The following FAR1 variants were observed in gnomAD, a reference collection of about 807,000 sequenced individuals.
FAR1 encodes fatty acyl-CoA reductase 1, also known as male sterility domain-containing protein 2.
FAR1 carries 22 observed loss-of-function variants against 61.1 expected under a neutral mutation model. That is an observed-to-expected ratio of 0.36 (90% CI 0.26 to 0.51). The LOEUF (loss-of-function observed/expected upper bound fraction) is 0.51, where lower values mean the gene tolerates loss of function less well. Among genes scored for constraint, FAR1 ranks in the 20% least tolerant of loss-of-function variants. FAR1 has a pLI of 0.95. For missense variants in FAR1, 359 were observed against 626.9 expected (o/e 0.57, Z 4.56); for synonymous variants, 206 against 209.7 (o/e 0.98, Z 0.15).
intron 10 of FAR1, among the ~76,000 whole-genome samples, chr11:13,726,276 CTCTT>C (rs1301408683): frequency 6.6e-6 from 1 of 151,982 alleles, no homozygotes; most frequent in African/African-American, 2.4e-5. Flanking sequence ...CCTTTTATTG[CTCTT>C]TATTTCTTCC....
chr11:13,708,443 G>GCACACACA (rs770468143), intron 4 of FAR1, among the ~76,000 whole-genome samples: 3,231 of 84,132 alleles, frequency 0.038, 47 homozygotes, highest in Non-Finnish European at 0.057. Context: ...GTGCGCGCGC[G>GCACACACA]CGCGCACACA....
At position 13,721,844 on chromosome 11, in the gene FAR1, C is replaced by T; in HGVS notation, c.1242C>T (p.Asn414=). The stretch of plus-strand genomic sequence containing the variant: ...TCAATATGTTAATGAATCAACTAAA[C>T]CCTGAAGATAAAAAGGCAAGCAAGT... ...ENVNMLMNQL[N]PEDKKTFNID... Residue 414 remains asparagine, a synonymous_variant, in exon 10 of 12, where the codon AAC becomes AAT. Transcript: ENST00000354817. This position sits in a 1 kb window ranked among gnomAD's most constrained non-coding sequence, Gnocchi z 4.2. The T allele has an allele frequency of 1.9e-6, 3 of 1,599,090 alleles. No homozygotes were observed. Among genetic ancestry groups the T allele is most frequent in the Non-Finnish European group, 2.6e-6 (3 of 1,174,488 alleles).
intron 1 of FAR1, chr11:13,685,635 G>T: frequency 5.1e-6 from 1 of 196,922 alleles, no homozygotes. Flanking sequence ...ACTTAATCCG[G>T]AAACTCTTGT....
chr11:13,723,760 A>G (rs977501990), intron 10 of FAR1, among the ~76,000 whole-genome samples: 1 of 152,150 alleles, frequency 6.6e-6, no homozygotes, highest in African/African-American at 2.4e-5. Flanking sequence ...TTTCTGGGCT[A>G]AACTCTAGAT....
rs1281545153 is a variant in FAR1 at position 13,670,442 on chromosome 11, C to T, written c.-8+1636C>T. On this transcript the variant is annotated intron_variant, in intron 1 of 11. Coordinates refer to ENST00000354817, the MANE Select transcript of FAR1 (RefSeq NM_032228.6). Reference sequence around the variant, plus strand: ...AGTAGTTGGGACTACAGAGACATGCCCCACCGCACCGGCTAATTTTTGTAT... The same window carrying T: ...AGTAGTTGGGACTACAGAGACATGCTCCACCGCACCGGCTAATTTTTGTAT... 2.6e-5 allele frequency among the ~76,000 whole-genome samples: 4 copies of T among 152,170 alleles called. No individual in the cohort carries two copies. In the East Asian group the frequency reaches 7.7e-4, roughly 29 times the overall value.
At chr11:13,668,969 G>T (rs1401463434) in intron 1 of FAR1, among the ~76,000 whole-genome samples, 163 bp downstream of exon 1, 3 of 152,020 alleles carry the variant, frequency 2.0e-5, no homozygotes, top group Non-Finnish European at 2.9e-5. Context: ...AAGTGAGGGC[G>T]CCCGCCTCAC....
chr11:13,715,424 C>T (rs1848545527), intron 9 of FAR1, among the ~76,000 whole-genome samples: 1 of 152,134 alleles, frequency 6.6e-6, no homozygotes, highest in South Asian at 2.1e-4. Context: ...AAGCCCTTCT[C>T]TCCCTCTTAA....
intron 1 of FAR1, among the ~76,000 whole-genome samples, chr11:13,694,020 A>G (rs761224769): frequency 6.6e-6 from 1 of 152,198 alleles, no homozygotes; most frequent in Non-Finnish European, 1.5e-5. Flanking sequence ...TTGCTAAACA[A>G]TACAGAGCAT....
At chr11:13,690,002 A>G (rs929351077) in intron 1 of FAR1, among the ~76,000 whole-genome samples, 1 of 151,582 alleles carries the variant, frequency 6.6e-6, no homozygotes, top group African/African-American at 2.4e-5. Flanking sequence ...CAGCCTCCCA[A>G]GTCGCTGGGA....
chr11:13,682,583 T>G (rs1290188034), intron 1 of FAR1, among the ~76,000 whole-genome samples: 5 of 152,220 alleles, frequency 3.3e-5, no homozygotes, highest in Admixed American at 6.5e-5. Context: ...AGACTGTTTC[T>G]TAGAAGTTGA....
At chr11:13,702,025 A>G (rs1848381538) in intron 3 of FAR1, among the ~76,000 whole-genome samples, 1 of 152,132 alleles carries the variant, frequency 6.6e-6, no homozygotes, top group Non-Finnish European at 1.5e-5. Flanking sequence ...TCCTTCAGGA[A>G]ATTTAAGTGA....
intron 1 of FAR1, chr11:13,670,151 C>G (rs1192742511): frequency 6.6e-6 from 1 of 152,178 alleles, no homozygotes; most frequent in Middle Eastern, 3.2e-3. Context: ...GTTCCAGCCT[C>G]AAACTCCTCG....
chr11:13,686,768 A>G (rs1365584746), intron 1 of FAR1: 1 of 152,240 alleles, frequency 6.6e-6, no homozygotes, highest in Non-Finnish European at 1.5e-5. Context: ...GTCTTTAATT[A>G]TCCAGAAGTT....
At chr11:13,724,882 C>CA (rs1206847313) in intron 10 of FAR1, among the ~76,000 whole-genome samples, 2 of 152,140 alleles carry the variant, frequency 1.3e-5, no homozygotes, top group African/African-American at 4.8e-5. Context: ...GTACTGCCTG[C>CA]AGAACCATGA....
At chr11:13,708,480 C>CACA (rs1250984773) in intron 4 of FAR1, among the ~76,000 whole-genome samples, 1 of 124,604 alleles carries the variant, frequency 8.0e-6, no homozygotes, top group Non-Finnish European at 1.9e-5. Context: ...CACACACATA[C>CACA]ATTTATCTCT....
Position 13,719,042 on chromosome 11 carries a change from C to T in FAR1, c.1128-2688C>T, listed in dbSNP as rs1303870876. 2.6e-5 allele frequency among the ~76,000 whole-genome samples: 4 copies of T among 152,102 alleles called. No homozygotes were observed. The East Asian group carries it at 5.8e-4, about 22-fold the overall frequency. ...AAGCTCTACACCTTTCTGACCTAGCCTCGGAAGTCACATCATGTCACTTCC... is the reference window on the plus strand; with the variant it reads ...AAGCTCTACACCTTTCTGACCTAGCTTCGGAAGTCACATCATGTCACTTCC... On this transcript the variant is annotated intron_variant, in intron 9 of 11. Coordinates refer to ENST00000354817, the MANE Select transcript of FAR1 (RefSeq NM_032228.6).
At chr11:13,675,273 T>G (rs976918420) in intron 1 of FAR1, among the ~76,000 whole-genome samples, 1 of 152,158 alleles carries the variant, frequency 6.6e-6, no homozygotes, top group African/African-American at 2.4e-5. Flanking sequence ...GTAGCAACAC[T>G]GGATCATGTG....
chr11:13,712,075 A>C (rs1375485488), intron 7 of FAR1, 29 bp downstream of exon 7: 1 of 1,405,996 alleles, frequency 7.1e-7, no homozygotes, highest in East Asian at 2.3e-5. Context: ...TCGCTTATTA[A>C]ATATATAGTA....
At chr11:13,690,343 T>C (rs1848236024) in intron 1 of FAR1, among the ~76,000 whole-genome samples, 1 of 152,208 alleles carries the variant, frequency 6.6e-6, no homozygotes, top group South Asian at 2.1e-4. Context: ...TTTACTCTGG[T>C]TTGCCTTTTC....
Sources: allele counts gnomAD v4.1 joint callset (sites outside exome capture counted in the v4.1 genomes callset), GRCh38; gene constraint gnomAD v4.1.1; non-coding constraint Gnocchi (gnomAD v3.1); transcripts MANE v1.5; gene names NCBI Gene and HGNC (gene_info 2026-07-23, HGNC 2026-07-21).